DIPK1C: variants seen among roughly 807,000 people sequenced by gnomAD.
DIPK1C encodes divergent protein kinase domain 1C.
In DIPK1C, 33 loss-of-function variants were observed where a neutral mutation model predicts 28.0. That is an observed-to-expected ratio of 1.18 (90% CI 0.89 to 1.58). The LOEUF (loss-of-function observed/expected upper bound fraction) is 1.58, where lower values mean the gene tolerates loss of function less well. Ranked by LOEUF, DIPK1C falls within the 40% of genes most tolerant of loss-of-function variation. DIPK1C has a pLI of 0.00. For synonymous variants in DIPK1C, 255 were observed against 248.8 expected (o/e 1.02, Z -0.23); for missense variants, 569 against 568.5 (o/e 1.00, Z -0.01).
chr18:74,449,826 T>G (rs2144525632), intron 1 of DIPK1C, among the ~76,000 whole-genome samples: 1 of 152,362 alleles, frequency 6.6e-6, no homozygotes, highest in African/African-American at 2.4e-5. Flanking sequence ...GTGCACCTCC[T>G]GTGTTCATCT....
chr18:74,463,630 T>C, the DIPK1C span, among the ~76,000 whole-genome samples: 2 of 152,040 alleles, frequency 1.3e-5, no homozygotes, highest in Non-Finnish European at 2.9e-5. Context: ...GCATGAAGAT[T>C]CCTGTCAAGC....
Position 74,447,011 on chromosome 18 carries a change from G to T in DIPK1C, c.471C>A (p.Ser157Arg), listed in dbSNP as rs879647265. The T allele has an allele frequency of 2.6e-6, 4 of 1,541,064 alleles. No individual in the cohort carries two copies. The Admixed American group carries it at 7.9e-5, about 31-fold the overall frequency. ...TGTTGGACAACTCCAGGCCCAGAGC[G>T]CTCTTGACCTCCCCAGCCACCATCA... ...LLLMVAGEVK[S>R]ALGLELSNSS... is the part of the protein sequence containing the mutation. The change falls in exon 2 of 4, where the codon AGC becomes AGA. Residue 157 changes from serine to arginine, a missense_variant. Transcript: ENST00000343998. This position sits in a 1 kb window ranked among gnomAD's most constrained non-coding sequence, Gnocchi z 4.1.
At chr18:74,454,763 G>C (rs1191189727) in intron 1 of DIPK1C, among the ~76,000 whole-genome samples, 1 of 152,188 alleles carries the variant, frequency 6.6e-6, no homozygotes, top group Non-Finnish European at 1.5e-5. Flanking sequence ...GGATTGTGAA[G>C]ATTGGGGTCG....
At chr18:74,441,895 G>T in intron 3 of DIPK1C, 57 bp downstream of exon 3, 2 of 1,560,844 alleles carry the variant, frequency 1.3e-6, no homozygotes, top group Non-Finnish European at 1.7e-6. Flanking sequence ...AAGAGCTAGC[G>T]GGCAGAAACA....
chr18:74,442,197 A>G (rs1986144576), intron 2 of DIPK1C, 81 bp from the exon 3 acceptor site: 2 of 1,522,394 alleles, frequency 1.3e-6, no homozygotes, highest in South Asian at 1.2e-5. Flanking sequence ...ACTTCTGTTC[A>G]CCTCGTGCGG....
intron 1 of DIPK1C, among the ~76,000 whole-genome samples, chr18:74,456,419 G>GA (rs1986513006): frequency 6.6e-6 from 1 of 152,250 alleles, no homozygotes; most frequent in South Asian, 2.1e-4. Flanking sequence ...CGAGGACCGG[G>GA]ACCCGGGATC....
intron 3 of DIPK1C, among the ~76,000 whole-genome samples, chr18:74,441,406 A>G (rs990399743): frequency 3.9e-5 from 6 of 152,328 alleles, no homozygotes; most frequent in African/African-American, 1.4e-4. Flanking sequence ...ATCCAACCCC[A>G]GATGGGGGAC....
At chr18:74,463,470 C>T in the DIPK1C span, among the ~76,000 whole-genome samples, 433 of 152,132 alleles carry the variant, frequency 2.8e-3, no homozygotes, top group African/African-American at 9.7e-3. Flanking sequence ...TTTTGGCCGC[C>T]CTTCTTGTAT....
intron 1 of DIPK1C, among the ~76,000 whole-genome samples, chr18:74,456,082 T>A (rs2144533174): frequency 6.6e-6 from 1 of 152,316 alleles, no homozygotes; most frequent in Admixed American, 6.5e-5. Flanking sequence ...AGAAAATAGA[T>A]CTCTTTTCAA....
chr18:74,459,421 A>T (rs937127009), upstream of DIPK1C, among the ~76,000 whole-genome samples: 5 of 152,238 alleles, frequency 3.3e-5, no homozygotes, highest in Non-Finnish European at 7.3e-5. Context: ...TCCTTTTCAT[A>T]TTCAGCACTG....
At chr18:74,460,176 TCCGAGTTC>T (rs1440640092), upstream of DIPK1C, among the ~76,000 whole-genome samples, 1 of 152,202 alleles carries the variant, frequency 6.6e-6, no homozygotes, top group Non-Finnish European at 1.5e-5. Flanking sequence ...GAGGATGTCC[TCCGAGTTC>T]CCGACTTTCC....
chr18:74,450,870 C>T (rs1986382605), intron 1 of DIPK1C, among the ~76,000 whole-genome samples: 1 of 152,254 alleles, frequency 6.6e-6, no homozygotes. Flanking sequence ...AAGCTTGGCA[C>T]AGATTGGGTC....
chr18:74,462,894 A>C (rs181744762), upstream of DIPK1C, among the ~76,000 whole-genome samples: 3 of 152,220 alleles, frequency 2.0e-5, no homozygotes, highest in Non-Finnish European at 2.9e-5. Flanking sequence ...TCACCCTGCA[A>C]TTTAAGTAAT....
intron 1 of DIPK1C, among the ~76,000 whole-genome samples, chr18:74,452,795 C>T (rs967702056): frequency 6.6e-6 from 1 of 152,022 alleles, no homozygotes; most frequent in African/African-American, 2.4e-5. Flanking sequence ...GTTGAAATAG[C>T]TGGGTTTTTT....
rs1279720985 is a variant in DIPK1C at position 74,447,177 on chromosome 18, T to G, written c.305A>C (p.Lys102Thr). ...QRCLHYNRGKKVLQADWRGRP... is the reference protein window; with the variant it reads ...QRCLHYNRGKTVLQADWRGRP... ...GCCGCGCCAGTCGGCCTGCAGCACC[T>G]TCTTGCCTCTGTTGTAGTGCAGGCA... Residue 102 changes from lysine to threonine, a missense_variant, in exon 2 of 4, where the codon AAG becomes ACG. By Grantham distance (78) the Lys-to-Thr change is moderately conservative (BLOSUM62 -1). Coordinates refer to ENST00000343998, the MANE Select transcript of DIPK1C (RefSeq NM_001044369.3). The surrounding 1 kb of genome is among the most constrained non-coding windows in gnomAD (Gnocchi z 4.1). The G allele has an allele frequency of 6.4e-7, 1 of 1,550,576 alleles. No individual in the cohort carries two copies. The highest frequency in any genetic ancestry group is 8.7e-7 in the Non-Finnish European group (1 of 1,146,988).
upstream of DIPK1C, among the ~76,000 whole-genome samples, chr18:74,459,984 G>A (rs1568267954): frequency 6.6e-6 from 1 of 152,108 alleles, no homozygotes; most frequent in African/African-American, 2.4e-5. Flanking sequence ...GCCCCAACAC[G>A]CCAATCCCAG....
At chr18:74,442,414 C>T (rs758416028) in intron 2 of DIPK1C, among the ~76,000 whole-genome samples, 3 of 152,176 alleles carry the variant, frequency 2.0e-5, no homozygotes, top group Non-Finnish European at 4.4e-5. Context: ...CTGCAAGCTC[C>T]GCCTTCCGGG....
intron 1 of DIPK1C, among the ~76,000 whole-genome samples, chr18:74,452,628 G>C (rs183943167): frequency 2.3e-3 from 350 of 151,992 alleles, no homozygotes; most frequent in Non-Finnish European, 4.2e-3. Context: ...CACACTTATA[G>C]TCCCAGCTAC....
At chr18:74,446,362 C>T (rs979524219) in intron 2 of DIPK1C, among the ~76,000 whole-genome samples, 1 of 152,220 alleles carries the variant, frequency 6.6e-6, no homozygotes, top group African/African-American at 2.4e-5. Context: ...TCTGGGAGGA[C>T]GAAGCTGGCC....
Sources: allele counts gnomAD v4.1 joint callset (sites outside exome capture counted in the v4.1 genomes callset), GRCh38; gene constraint gnomAD v4.1.1; non-coding constraint Gnocchi (gnomAD v3.1); transcripts MANE v1.5; gene names NCBI Gene and HGNC (gene_info 2026-07-23, HGNC 2026-07-21).